The following RAPGEF2 variants were observed in gnomAD, a reference collection of about 807,000 sequenced individuals.
RAPGEF2 encodes PDZ domain containing guanine nucleotide exchange factor (GEF) 1.
RAPGEF2 carries 54 observed loss-of-function variants against 186.7 expected under a neutral mutation model. That is an observed-to-expected ratio of 0.29 (90% confidence interval 0.23 to 0.36). The LOEUF (loss-of-function observed/expected upper bound fraction) is 0.36, where lower values mean the gene tolerates loss of function less well. RAPGEF2 is among the 10% of genes least tolerant of loss of function. RAPGEF2 has a pLI of 1.00. For synonymous variants in RAPGEF2, 712 were observed against 705.9 expected (o/e 1.01, Z -0.14); for missense variants, 1,532 against 2,045.0 (o/e 0.75, Z 4.84).
chr4:159,302,876 A>T (rs768709472), intron 7 of RAPGEF2, among the ~76,000 whole-genome samples: 18 of 151,872 alleles, frequency 1.2e-4, no homozygotes, highest in Non-Finnish European at 2.1e-4. Context: ...CAACATCTTC[A>T]ATTACCAGTT....
intron 9 of RAPGEF2, among the ~76,000 whole-genome samples, chr4:159,321,727 G>C (rs1388724177): frequency 1.3e-5 from 2 of 152,202 alleles, no homozygotes; most frequent in East Asian, 3.9e-4. Flanking sequence ...CCCTACCAAA[G>C]TGTAAGCTGT....
At chr4:159,180,513 T>C (rs114560723) in intron 1 of RAPGEF2, among the ~76,000 whole-genome samples, 1,782 of 152,320 alleles carry the variant, frequency 0.012, 33 homozygotes, top group African/African-American at 0.04. Flanking sequence ...TGTAGTCTTT[T>C]CCCCTAGTTT....
At chr4:159,229,762 A>G (rs1183913205) in intron 4 of RAPGEF2, among the ~76,000 whole-genome samples, 1 of 152,222 alleles carries the variant, frequency 6.6e-6, no homozygotes, top group Non-Finnish European at 1.5e-5. Flanking sequence ...CAAAAAATTT[A>G]ATGAGAATGA....
chr4:159,137,318 C>T (rs1741823885), intron 1 of RAPGEF2, among the ~76,000 whole-genome samples: 1 of 152,206 alleles, frequency 6.6e-6, no homozygotes, highest in Non-Finnish European at 1.5e-5. Context: ...TGCTTTCCTG[C>T]TGTGTCCTCA....
rs1203639852 is a variant in RAPGEF2, at chr4:159,241,238, G to A, written c.395G>A (p.Arg132Gln). ...GATGAAAATGAAGAATATTTTCAGC[G>A]GCAAGCTTCCCATAGACAGTCTCGA... The part of the protein sequence containing the change: ...YMDENEEYFQ[R>Q]QASHRQSRRR... The change falls in exon 6 of 30, where the codon CGG becomes CAG. Residue 132 changes from arginine (R) to glutamine (Q), a missense_variant. By Grantham distance (43) the Arg-to-Gln change is conservative. Coordinates refer to ENST00000691494, the MANE Select transcript of RAPGEF2 (RefSeq NM_001394067.2). 28 of 1,529,684 alleles carry A rather than the reference G, an allele frequency of 1.8e-5. No homozygotes were observed. The highest frequency in any genetic ancestry group is 2.5e-5 in the East Asian group (1 of 40,808). 94.8% of individuals were successfully genotyped at this position (1,529,684 alleles called of 1,614,324 possible).
At chr4:159,139,759 A>C (rs1352728029) in intron 1 of RAPGEF2, among the ~76,000 whole-genome samples, 3 of 152,208 alleles carry the variant, frequency 2.0e-5, no homozygotes, top group Non-Finnish European at 2.9e-5. Context: ...GTGAACAAAG[A>C]GGACAGATTT....
intron 1 of RAPGEF2, among the ~76,000 whole-genome samples, chr4:159,123,998 GGC>G (rs1740011435): frequency 6.6e-6 from 1 of 152,010 alleles, no homozygotes; most frequent in East Asian, 1.9e-4. Flanking sequence ...TGGAATTACA[GGC>G]GCGTGCCACC....
intron 7 of RAPGEF2, among the ~76,000 whole-genome samples, chr4:159,255,034 A>G (rs551431859): frequency 1.3e-5 from 2 of 152,350 alleles, no homozygotes; most frequent in Admixed American, 6.5e-5. Flanking sequence ...GTATGTTTAC[A>G]TATACAAATA....
intron 1 of RAPGEF2, among the ~76,000 whole-genome samples, chr4:159,128,647 A>C (rs1740644946): frequency 6.6e-6 from 1 of 151,712 alleles, no homozygotes; most frequent in South Asian, 2.1e-4. Flanking sequence ...GGATTATTTT[A>C]GAAGTACAGG....
At chr4:159,261,303 T>C (rs143128845) in intron 7 of RAPGEF2, among the ~76,000 whole-genome samples, 2,967 of 150,160 alleles carry the variant, frequency 0.02, 42 homozygotes, top group African/African-American at 0.045. Context: ...ACCTTGTGAT[T>C]CGCCCACCTT....
chr4:159,152,261 A>C (rs1743630108), intron 1 of RAPGEF2, among the ~76,000 whole-genome samples: 1 of 152,242 alleles, frequency 6.6e-6, no homozygotes, highest in East Asian at 1.9e-4. Context: ...CAGAGTCTGC[A>C]AGTGAGCCAG....
chr4:159,223,462 A>G (rs900205856), intron 4 of RAPGEF2, among the ~76,000 whole-genome samples: 7 of 152,228 alleles, frequency 4.6e-5, no homozygotes, highest in African/African-American at 1.7e-4. Context: ...GCTATTAATT[A>G]AACATTTTCA....
intron 1 of RAPGEF2, among the ~76,000 whole-genome samples, chr4:159,115,022 T>A (rs546916786): frequency 6.6e-6 from 1 of 152,274 alleles, no homozygotes; most frequent in African/African-American, 2.4e-5. Flanking sequence ...ATTTTAAAAA[T>A]CAAATTAAGG....
chr4:159,149,850 T>C (rs1743342959), intron 1 of RAPGEF2, among the ~76,000 whole-genome samples: 1 of 152,188 alleles, frequency 6.6e-6, no homozygotes, highest in East Asian at 1.9e-4. Flanking sequence ...CAGAAGTTCT[T>C]AGGAGACAAA....
At chr4:159,202,639 T>C (rs1749561471) in intron 3 of RAPGEF2, among the ~76,000 whole-genome samples, 1 of 152,180 alleles carries the variant, frequency 6.6e-6, no homozygotes, top group East Asian at 1.9e-4. Context: ...TTTGCTCTTG[T>C]TGCCCAGGCT....
chr4:159,150,955 C>A (rs1579313543), intron 1 of RAPGEF2, among the ~76,000 whole-genome samples: 2 of 152,108 alleles, frequency 1.3e-5, no homozygotes, highest in East Asian at 3.9e-4. Flanking sequence ...TGCTGCTGAT[C>A]CAGCAAGCGA....
intron 1 of RAPGEF2, among the ~76,000 whole-genome samples, chr4:159,145,932 T>C (rs1273511387): frequency 6.6e-6 from 1 of 152,112 alleles, no homozygotes; most frequent in Admixed American, 6.5e-5. Flanking sequence ...GAGGGCTAGG[T>C]TTCAGAAAAG....
chr4:159,253,611 T>TG (rs1755748546), intron 7 of RAPGEF2, among the ~76,000 whole-genome samples: 1 of 152,212 alleles, frequency 6.6e-6, no homozygotes, highest in Non-Finnish European at 1.5e-5. Context: ...AGAAAATACC[T>TG]GCCAGATACC....
At chr4:159,202,753 C>G (rs887517724) in intron 3 of RAPGEF2, among the ~76,000 whole-genome samples, 1 of 152,118 alleles carries the variant, frequency 6.6e-6, no homozygotes, top group Admixed American at 6.6e-5. Context: ...AGGCACCCAC[C>G]ACCATGCCTG....
Sources: allele counts gnomAD v4.1 joint callset (sites outside exome capture counted in the v4.1 genomes callset), GRCh38; gene constraint gnomAD v4.1.1; transcripts MANE v1.5; gene names NCBI Gene and HGNC (gene_info 2026-07-23, HGNC 2026-07-21).